The following DOCK8 variants were observed in gnomAD, a reference collection of about 807,000 sequenced individuals.
The protein encoded by DOCK8 is dedicator of cytokinesis 8.
In DOCK8, 141 loss-of-function variants were observed where a neutral mutation model predicts 245.6. The ratio of observed to expected loss-of-function variants is 0.57; its 90% CI spans 0.50 to 0.66. DOCK8 has a LOEUF of 0.66. DOCK8 is among the 30% of genes least tolerant of loss of function. The pLI is 0.00. For synonymous variants in DOCK8, 1,168 were observed against 970.2 expected (o/e 1.20, Z -3.79); for missense variants, 2,965 against 2,603.4 (o/e 1.14, Z -3.02).
intron 1 of DOCK8, among the ~76,000 whole-genome samples, chr9:252,436 A>G (rs935634684): frequency 2.6e-5 from 4 of 152,148 alleles, no homozygotes; most frequent in African/African-American, 9.6e-5. Context: ...ATTCATTGGA[A>G]TATGATTACT....
chr9:290,014 C>T (rs2048974129), intron 4 of DOCK8, among the ~76,000 whole-genome samples: 1 of 152,182 alleles, frequency 6.6e-6, no homozygotes, highest in Non-Finnish European at 1.5e-5. Flanking sequence ...TTTACTGTCT[C>T]CATAATTCCA....
intron 1 of DOCK8, among the ~76,000 whole-genome samples, chr9:234,131 G>T (rs981006051): frequency 1.8e-4 from 28 of 152,162 alleles, no homozygotes; most frequent in Admixed American, 1.2e-3. Context: ...GTCTGTAAAG[G>T]ACTTTATTTC....
At position 405,006 on chromosome 9, in the gene DOCK8, A is replaced by G. The variant is rs151210108; in HGVS notation, c.3323A>G (p.Asn1108Ser). 71 of 1,614,034 alleles carry G rather than the reference A, an allele frequency of 4.4e-5. No homozygotes were observed. The highest frequency in any genetic ancestry group is 3.6e-4 in the African/African-American group (27 of 75,026). The stretch of plus-strand genomic sequence containing the variant: ...CTCTGTAGCCATGAGCATTACCTCA[A>G]TCTGAACCTTTTTTTTATGAATGCT... Reference protein sequence around the residue: ...RILCSHEHYLNLNLFFMNADT... With the variant: ...RILCSHEHYLSLNLFFMNADT... Residue 1108 changes from asparagine (N) to serine (S), a missense_variant, in exon 27 of 48, where the codon AAT becomes AGT. Asn to Ser is a conservative substitution (Grantham distance 46). This residue lies in a region of DOCK8 where 2,825 missense variants were observed against 2,453.5 expected (regional missense o/e 1.15). Transcript: ENST00000432829.
intron 7 of DOCK8, among the ~76,000 whole-genome samples, chr9:319,792 A>T (rs2050506790): frequency 6.6e-6 from 1 of 152,180 alleles, no homozygotes; most frequent in African/African-American, 2.4e-5. Flanking sequence ...CAGAAAAAAA[A>T]AAAAAGAATG....
Position 317,181 on chromosome 9 carries a change from C to A in DOCK8, c.827+53C>A, listed in dbSNP as rs185763132. ...GCTTTGAGATTTATCTTGCCTTTTA[C>A]ATACAAATGTTGTGTTTATTATCAG... is the stretch of plus-strand genomic sequence containing the variant. On this transcript the variant is annotated intron_variant, in intron 7 of 47. Coordinates refer to ENST00000432829, the MANE Select transcript of DOCK8 (RefSeq NM_203447.4). 0.014 allele frequency: 18,935 copies of A among 1,363,354 alleles called. 195 individuals are homozygous for A. Among genetic ancestry groups the A allele is most frequent in the Non-Finnish European group, 0.017 (16,624 of 955,848 alleles). 84.5% of individuals were successfully genotyped at this position (1,363,354 alleles called of 1,614,324 possible). A position where few individuals can be genotyped will look rare whatever the true frequency, so the allele number is the denominator to read the frequency against.
intron 14 of DOCK8, among the ~76,000 whole-genome samples, chr9:341,623 A>G (rs2051593904): frequency 6.6e-6 from 1 of 152,082 alleles, no homozygotes; most frequent in Non-Finnish European, 1.5e-5. Context: ...TTTTACACAC[A>G]CTTACACACA....
In DOCK8 at chr9:328,143, C is replaced by T. The variant is rs145716710; in HGVS notation, c.1016C>T (p.Pro339Leu). 209 of 1,613,958 alleles carry T rather than the reference C, an allele frequency of 1.3e-4. 1 individual carries two copies. Among genetic ancestry groups the T allele is most frequent in the Middle Eastern group, 3.3e-4 (2 of 6,082 alleles). Reference sequence around the variant, plus strand: ...TCTGCAGTCTTCTCAGTCACCTACCCGTCCTCAGACATCTACCTGGTAGTC... The same window carrying T: ...TCTGCAGTCTTCTCAGTCACCTACCTGTCCTCAGACATCTACCTGGTAGTC... ...ARSAVFSVTY[P>L]SSDIYLVVKI... Residue 339 changes from proline to leucine, a missense_variant, in exon 9 of 48, where the codon CCG becomes CTG. By Grantham distance (98) the Pro-to-Leu change is moderately conservative. Coordinates refer to ENST00000432829, the MANE Select transcript of DOCK8 (RefSeq NM_203447.4).
intron 7 of DOCK8, among the ~76,000 whole-genome samples, chr9:323,676 C>A (rs2050625355): frequency 1.3e-5 from 2 of 152,172 alleles, no homozygotes; most frequent in Admixed American, 1.3e-4. Flanking sequence ...TCTCCCTACT[C>A]CCCAGCCCCT....
upstream of DOCK8, chr9:214,540 C>G (rs765968934): frequency 1.2e-6 from 2 of 1,613,628 alleles, no homozygotes; most frequent in South Asian, 2.2e-5. Context: ...CCCGACCTCG[C>G]CAGCTTTGTG....
intron 24 of DOCK8, among the ~76,000 whole-genome samples, chr9:395,643 T>C (rs12002191): frequency 0.14 from 21,138 of 151,520 alleles, 4,527 homozygotes; most frequent in African/African-American, 0.46. Context: ...CACAAGACCT[T>C]CTAGTCTTCC....
intron 10 of DOCK8, among the ~76,000 whole-genome samples, chr9:333,857 A>C (rs781593873): frequency 6.6e-6 from 1 of 152,184 alleles, no homozygotes; most frequent in Non-Finnish European, 1.5e-5. Flanking sequence ...AGCTTGGTAG[A>C]TGATATACTA....
intron 14 of DOCK8, among the ~76,000 whole-genome samples, chr9:361,475 C>G (rs2052726587): frequency 6.6e-6 from 1 of 152,170 alleles, no homozygotes; most frequent in African/African-American, 2.4e-5. Flanking sequence ...TCTTAGGCAT[C>G]ATTGCGTTTA....
intron 41 of DOCK8, 151 bp from the exon 42 acceptor site, chr9:441,724 G>A: frequency 4.0e-6 from 4 of 1,000,772 alleles, no homozygotes; most frequent in South Asian, 1.5e-5. Context: ...TATTCCATAA[G>A]CATTAAATTT....
At chr9:428,902 A>G (rs1317635262) in intron 35 of DOCK8, among the ~76,000 whole-genome samples, 2 of 152,248 alleles carry the variant, frequency 1.3e-5, no homozygotes, top group Admixed American at 1.3e-4. Flanking sequence ...TCAGAAATGA[A>G]TTTCTCACGG....
intron 25 of DOCK8, among the ~76,000 whole-genome samples, chr9:398,548 T>C (rs961491415): frequency 6.6e-6 from 1 of 152,058 alleles, no homozygotes; most frequent in African/African-American, 2.4e-5. Flanking sequence ...ATAATACAAA[T>C]TAAAAATTTT....
chr9:283,758 G>T (rs1387587721), intron 2 of DOCK8, among the ~76,000 whole-genome samples: 3 of 152,060 alleles, frequency 2.0e-5, no homozygotes, highest in Non-Finnish European at 4.4e-5. Flanking sequence ...AATTATTCAG[G>T]CACAAAATTA....
At chr9:314,085 A>G (rs1412166247) in intron 6 of DOCK8, among the ~76,000 whole-genome samples, 2 of 152,242 alleles carry the variant, frequency 1.3e-5, no homozygotes, top group Admixed American at 1.3e-4. Context: ...CCCGCTAACT[A>G]CAAAGTTCGT....
chr9:235,749 G>A (rs2047229307), intron 1 of DOCK8, among the ~76,000 whole-genome samples: 1 of 152,134 alleles, frequency 6.6e-6, no homozygotes, highest in Admixed American at 6.5e-5. Context: ...TAAGCCCGTT[G>A]GAAAAGCGCA....
chr9:400,937 A>AATATCACTACCT, intron 26 of DOCK8, among the ~76,000 whole-genome samples: 1 of 108,458 alleles, frequency 9.2e-6, no homozygotes, highest in Non-Finnish European at 2.1e-5. Context: ...CACAACATCC[A>AATATCACTACCT]CCACCACCAT....
Sources: allele counts gnomAD v4.1 joint callset (sites outside exome capture counted in the v4.1 genomes callset), GRCh38; gene constraint gnomAD v4.1.1; regional missense constraint gnomAD v4.1.1; transcripts MANE v1.5; gene names NCBI Gene and HGNC (gene_info 2026-07-23, HGNC 2026-07-21).